IL1RAPL2: variants seen among roughly 807,000 people sequenced by gnomAD.
IL1RAPL2 encodes the protein interleukin 1 receptor accessory protein like 2, also known as X-linked interleukin-1 receptor accessory protein-like 2.
A neutral mutation model predicts 44.1 loss-of-function variants in IL1RAPL2; 3 were observed. The ratio of observed to expected loss-of-function variants is 0.07; its 90% CI spans 0.03 to 0.18. The LOEUF (loss-of-function observed/expected upper bound fraction) is 0.18, where lower values mean the gene tolerates loss of function less well. Ranked by LOEUF, IL1RAPL2 falls within the 10% of genes least tolerant of loss-of-function variation. IL1RAPL2 has a pLI of 1.00. For missense variants in IL1RAPL2, 391 were observed against 496.4 expected (o/e 0.79, Z 2.02); for synonymous variants, 181 against 178.8 (o/e 1.01, Z -0.10).
At chrX:105,000,396 G>T (rs2030830186) in intron 2 of IL1RAPL2, among the ~76,000 whole-genome samples, 1 of 111,098 alleles carries the variant, frequency 9.0e-6, no homozygotes, top group South Asian at 3.8e-4. Flanking sequence ...AGTACAAGCT[G>T]GAGATCTTTC....
chrX:105,392,171 TA>T (rs749870468), intron 5 of IL1RAPL2, among the ~76,000 whole-genome samples: 30 of 104,452 alleles, frequency 2.9e-4, no homozygotes, highest in African/African-American at 8.3e-4. Context: ...AAATAAAAAA[TA>T]AAAAAAAAAG....
intron 5 of IL1RAPL2, among the ~76,000 whole-genome samples, chrX:105,291,506 G>A (rs1036712705): frequency 9.0e-6 from 1 of 111,588 alleles, no homozygotes; most frequent in Non-Finnish European, 1.9e-5. Context: ...GTTTTGTTAA[G>A]AATTATTGAT....
chrX:104,690,758 G>T (rs1235330934), intron 2 of IL1RAPL2, among the ~76,000 whole-genome samples: 1 of 111,653 alleles, frequency 9.0e-6, no homozygotes, highest in Admixed American at 9.5e-5. Context: ...CAATTCCTAG[G>T]GCTCCTTTTG....
intron 6 of IL1RAPL2, among the ~76,000 whole-genome samples, chrX:105,579,887 T>A (rs2147813839): frequency 8.9e-6 from 1 of 111,920 alleles, no homozygotes; most frequent in East Asian, 2.8e-4. Flanking sequence ...TGATTTGGGA[T>A]GGCTGTGGTA....
chrX:105,108,694 A>G lies in IL1RAPL2; in HGVS notation c.83-86781A>G, dbSNP rs772660897. On this transcript the variant is annotated intron_variant, in intron 2 of 10. Coordinates refer to ENST00000372582, the MANE Select transcript of IL1RAPL2 (RefSeq NM_017416.2). Reference sequence around the variant, plus strand: ...TACTTTGGCTATGTTAAAGTCTCTTAATCTTCTCTGCCACCACCTTAGTCT... The same window carrying G: ...TACTTTGGCTATGTTAAAGTCTCTTGATCTTCTCTGCCACCACCTTAGTCT... 5.4e-5 allele frequency among the ~76,000 whole-genome samples: 6 copies of G among 110,295 alleles called. No individual in the cohort carries two copies. The South Asian group carries it at 2.4e-3, about 43-fold the overall frequency.
intron 4 of IL1RAPL2, among the ~76,000 whole-genome samples, chrX:105,254,828 T>C (rs971756331): frequency 1.8e-5 from 2 of 112,302 alleles, no homozygotes; most frequent in African/African-American, 6.5e-5. Flanking sequence ...CCCCATTGCT[T>C]GTTTTTGGCA....
intron 5 of IL1RAPL2, chrX:105,406,883 A>T: frequency 8.7e-7 from 1 of 1,143,923 alleles, no homozygotes; most frequent in Non-Finnish European, 1.2e-6. Context: ...GCAAAGTTGA[A>T]GAACTGTAAC....
At chrX:105,431,564 T>G (rs1304280464) in intron 5 of IL1RAPL2, among the ~76,000 whole-genome samples, 1 of 111,420 alleles carries the variant, frequency 9.0e-6, no homozygotes, top group Non-Finnish European at 1.9e-5. Flanking sequence ...TTGTTTATTT[T>G]TAACCAAGCT....
chrX:105,498,358 A>C (rs2036370028), intron 6 of IL1RAPL2, among the ~76,000 whole-genome samples: 2 of 111,899 alleles, frequency 1.8e-5, no homozygotes, highest in South Asian at 7.5e-4. Flanking sequence ...CGATCTGTAT[A>C]ATAAAAACCA....
intron 1 of IL1RAPL2, among the ~76,000 whole-genome samples, chrX:104,642,688 T>C (rs1328334101): frequency 9.0e-6 from 1 of 111,251 alleles, no homozygotes; most frequent in African/African-American, 3.3e-5. Flanking sequence ...GGTTTCACTA[T>C]GTTGGCCAGG....
At chrX:105,293,703 C>A (rs1362571515) in intron 5 of IL1RAPL2, among the ~76,000 whole-genome samples, 1 of 110,599 alleles carries the variant, frequency 9.0e-6, no homozygotes, top group Non-Finnish European at 1.9e-5. Flanking sequence ...TAAAGAGAAC[C>A]CTCGCACCTT....
At chrX:104,963,217 G>A (rs770638178) in intron 2 of IL1RAPL2, among the ~76,000 whole-genome samples, 1 of 111,638 alleles carries the variant, frequency 9.0e-6, no homozygotes, top group African/African-American at 3.3e-5. Flanking sequence ...GGGATAGATT[G>A]AGCTTTCCTT....
chrX:105,014,831 G>A (rs955365934), intron 2 of IL1RAPL2, among the ~76,000 whole-genome samples: 1 of 112,171 alleles, frequency 8.9e-6, no homozygotes, highest in Non-Finnish European at 1.9e-5. Flanking sequence ...CACATGCCCA[G>A]TACTGCGATT....
At chrX:105,607,745 C>G (rs760959201) in intron 6 of IL1RAPL2, among the ~76,000 whole-genome samples, 201 of 107,373 alleles carry the variant, frequency 1.9e-3, no homozygotes, top group Non-Finnish European at 3.3e-3. Context: ...TTTAAGGACT[C>G]TCAGCTGTGT....
chrX:105,412,306 GTATATATATATATA>G (rs56979628), intron 5 of IL1RAPL2, among the ~76,000 whole-genome samples: 6 of 93,181 alleles, frequency 6.4e-5, no homozygotes, highest in African/African-American at 7.3e-5. Flanking sequence ...GAAAAATGTA[GTATATATATATATA>G]TATATATATA....
At chrX:105,671,328 T>C in intron 6 of IL1RAPL2, among the ~76,000 whole-genome samples, 1 of 112,699 alleles carries the variant, frequency 8.9e-6, no homozygotes, top group East Asian at 2.8e-4. Context: ...GTTTATATTA[T>C]ATCCTGAAAC....
At chrX:105,717,537 G>C in intron 7 of IL1RAPL2, 41 bp downstream of exon 7, 1 of 1,139,442 alleles carries the variant, frequency 8.8e-7, no homozygotes. Context: ...GCTGTCTTAC[G>C]GGATTCTGCT....
intron 2 of IL1RAPL2, among the ~76,000 whole-genome samples, chrX:105,173,662 C>G (rs2033445062): frequency 9.0e-6 from 1 of 111,236 alleles, no homozygotes; most frequent in Admixed American, 9.5e-5. Context: ...AGCTTTCTCA[C>G]CCAGCCGTCT....
At chrX:105,719,809 T>C (rs1013023918) in intron 7 of IL1RAPL2, among the ~76,000 whole-genome samples, 4 of 110,790 alleles carry the variant, frequency 3.6e-5, no homozygotes, top group African/African-American at 1.3e-4. Context: ...AAATAAATAA[T>C]GGATATATTA....
Sources: gnomAD v4.1 joint callset for allele counts (sites outside exome capture counted in the v4.1 genomes callset) on GRCh38, gnomAD v4.1.1 for gene constraint, MANE v1.5 for transcripts, NCBI Gene and HGNC (gene_info 2026-07-23, HGNC 2026-07-21) for gene names.